The following CTNNA3 variants were observed in gnomAD, a reference collection of about 807,000 sequenced individuals.
CTNNA3 encodes catenin alpha 3.
In CTNNA3, 76 loss-of-function variants were observed where a neutral mutation model predicts 95.7. The ratio of observed to expected loss-of-function variants is 0.79; its 90% CI spans 0.66 to 0.96. CTNNA3 has a LOEUF of 0.96. Ranked by LOEUF, CTNNA3 falls within the 40% of genes least tolerant of loss-of-function variation. The probability of loss-of-function intolerance (pLI) is 0.00; values close to 1 mark genes in which losing one functional copy is unlikely to be tolerated. For missense variants in CTNNA3, 1,191 were observed against 1,089.8 expected (o/e 1.09, Z -1.31); for synonymous variants, 431 against 374.4 (o/e 1.15, Z -1.74).
intron 9 of CTNNA3, among the ~76,000 whole-genome samples, chr10:66,628,334 C>G (rs1845010875): frequency 6.6e-6 from 1 of 151,902 alleles, no homozygotes; most frequent in African/African-American, 2.4e-5. Flanking sequence ...CCACTCCTTC[C>G]TAATAAAAAT....
chr10:67,055,490 G>A (rs941855133), intron 7 of CTNNA3, among the ~76,000 whole-genome samples: 4 of 152,082 alleles, frequency 2.6e-5, no homozygotes, highest in Admixed American at 1.3e-4. Flanking sequence ...AACAGACTAA[G>A]ATAATGAAAA....
chr10:66,313,713 C>T (rs1243738404), intron 12 of CTNNA3, among the ~76,000 whole-genome samples: 2 of 152,116 alleles, frequency 1.3e-5, no homozygotes, highest in Non-Finnish European at 2.9e-5. Flanking sequence ...GTGTATATCT[C>T]CAGCAATTGC....
chr10:65,937,335 T>C (rs375620745), intron 17 of CTNNA3, among the ~76,000 whole-genome samples: 5 of 152,016 alleles, frequency 3.3e-5, no homozygotes, highest in African/African-American at 7.2e-5. Flanking sequence ...ATAGTAACCA[T>C]AGAATAAGTT....
intron 3 of CTNNA3, among the ~76,000 whole-genome samples, chr10:67,544,528 T>C (rs938560309): frequency 6.6e-6 from 1 of 152,062 alleles, no homozygotes; most frequent in South Asian, 2.1e-4. Flanking sequence ...GAATAGAGAA[T>C]GATAAAGGGA....
intron 5 of CTNNA3, among the ~76,000 whole-genome samples, chr10:67,437,481 T>C (rs1296650055): frequency 1.3e-5 from 2 of 151,912 alleles, no homozygotes; most frequent in East Asian, 1.9e-4. Context: ...AATACCCCAA[T>C]AAATTTAATA....
intron 1 of CTNNA3, among the ~76,000 whole-genome samples, chr10:67,678,552 T>TG (rs1381399150): frequency 6.6e-6 from 1 of 152,174 alleles, no homozygotes; most frequent in African/African-American, 2.4e-5. Flanking sequence ...ACAGGAACCT[T>TG]GGGGAAAATT....
intron 7 of CTNNA3, among the ~76,000 whole-genome samples, chr10:66,832,122 A>G (rs1015369264): frequency 2.0e-5 from 3 of 152,244 alleles, no homozygotes; most frequent in African/African-American, 7.2e-5. Flanking sequence ...TCACTGCTCA[A>G]TTAAAGTTCA....
At chr10:66,379,896 T>A (rs913783097) in intron 11 of CTNNA3, among the ~76,000 whole-genome samples, 1 of 152,174 alleles carries the variant, frequency 6.6e-6, no homozygotes, top group African/African-American at 2.4e-5. Context: ...ACAGTAATAT[T>A]TTCTTTCTTC....
At chr10:66,159,134 T>C (rs1481249358) in intron 13 of CTNNA3, among the ~76,000 whole-genome samples, 3 of 152,032 alleles carry the variant, frequency 2.0e-5, no homozygotes, top group Admixed American at 2.0e-4. Context: ...TCTTTACCAA[T>C]TTGGATGCCA....
chr10:66,232,822 G>A (rs939393256), intron 13 of CTNNA3, among the ~76,000 whole-genome samples: 3 of 152,082 alleles, frequency 2.0e-5, no homozygotes, highest in Admixed American at 6.6e-5. Flanking sequence ...TCCACATGGG[G>A]AAAATTGTAT....
chr10:67,460,365 C>T (rs556173164), intron 5 of CTNNA3, among the ~76,000 whole-genome samples: 3 of 152,220 alleles, frequency 2.0e-5, no homozygotes, highest in South Asian at 2.1e-4. Context: ...TGTGTAATGG[C>T]AGCACATTGT....
intron 13 of CTNNA3, among the ~76,000 whole-genome samples, chr10:66,177,971 A>T (rs1009144659): frequency 6.6e-6 from 1 of 151,864 alleles, no homozygotes; most frequent in Non-Finnish European, 1.5e-5. Context: ...ATGAACATTT[A>T]TCATGTCCAG....
chr10:67,088,055 A>C (rs2131899059), intron 7 of CTNNA3, among the ~76,000 whole-genome samples: 1 of 152,086 alleles, frequency 6.6e-6, no homozygotes. Context: ...AAATACCATG[A>C]TAATTTAAAG....
At chr10:66,092,064 C>T (rs2081233276) in intron 14 of CTNNA3, among the ~76,000 whole-genome samples, 1 of 151,766 alleles carries the variant, frequency 6.6e-6, no homozygotes, top group Non-Finnish European at 1.5e-5. Flanking sequence ...ATAGTAAGCC[C>T]ATCTTCCCAG....
intron 5 of CTNNA3, among the ~76,000 whole-genome samples, chr10:67,232,095 T>C (rs1865239306): frequency 1.3e-5 from 2 of 151,992 alleles, no homozygotes; most frequent in Admixed American, 6.6e-5. Context: ...CTGCAGGATA[T>C]TATCCAGGAG....
At chr10:67,682,164 A>C (rs1321286573) in intron 1 of CTNNA3, among the ~76,000 whole-genome samples, 5 of 151,762 alleles carry the variant, frequency 3.3e-5, no homozygotes, top group African/African-American at 1.2e-4. Flanking sequence ...GTCTCAAAAA[A>C]AAAAAAAAAA....
intron 1 of CTNNA3, among the ~76,000 whole-genome samples, chr10:67,679,523 A>C (rs1840589002): frequency 6.6e-6 from 1 of 152,246 alleles, no homozygotes; most frequent in Non-Finnish European, 1.5e-5. Flanking sequence ...GAATTTAAAA[A>C]GTAAAACCAA....
chr10:67,686,797 T>C (rs1840740198), intron 1 of CTNNA3, among the ~76,000 whole-genome samples: 2 of 152,120 alleles, frequency 1.3e-5, no homozygotes, highest in Admixed American at 1.3e-4. Context: ...TCCTGCTCTC[T>C]TTGTGATGTA....
chr10:66,606,521 C>G (rs549864414), intron 10 of CTNNA3, among the ~76,000 whole-genome samples: 3 of 152,058 alleles, frequency 2.0e-5, no homozygotes, highest in South Asian at 2.1e-4. Flanking sequence ...TCAGACATAA[C>G]ACACTCCTCA....
Sources: allele counts gnomAD v4.1 joint callset (sites outside exome capture counted in the v4.1 genomes callset), GRCh38; gene constraint gnomAD v4.1.1; transcripts MANE v1.5; gene names NCBI Gene and HGNC (gene_info 2026-07-23, HGNC 2026-07-21).